The following PLXNA4 variants were observed in gnomAD, a reference collection of about 807,000 sequenced individuals.
PLXNA4 encodes plexin-A4.
A neutral mutation model predicts 191.8 loss-of-function variants in PLXNA4; 44 were observed. That is an observed-to-expected ratio of 0.23 (90% CI 0.18 to 0.29). The LOEUF (loss-of-function observed/expected upper bound fraction) is 0.29, where lower values mean the gene tolerates loss of function less well. PLXNA4 is among the 10% of genes least tolerant of loss of function. PLXNA4 has a pLI of 1.00. For missense variants in PLXNA4, 1,800 were observed against 2,488.8 expected (o/e 0.72, Z 5.89); for synonymous variants, 1,082 against 1,009.5 (o/e 1.07, Z -1.36).
intron 24 of PLXNA4, among the ~76,000 whole-genome samples, chr7:132,160,443 G>C (rs1468099097): frequency 6.6e-6 from 1 of 152,032 alleles, no homozygotes; most frequent in East Asian, 1.9e-4. Flanking sequence ...AAAAGTTCTG[G>C]GCTTTTCCTT....
rs1374794699 is a variant in PLXNA4, at chr7:132,129,057, G to T, written c.*1422C>A. 1 of 152,268 alleles carries T rather than the reference G, an allele frequency of 6.6e-6. No individual in the cohort carries two copies. The highest frequency in any genetic ancestry group is 1.5e-5 in the Non-Finnish European group (1 of 68,070). The allele number at this position is 152,268 out of a possible 1,614,324, so 9.4% of individuals were successfully genotyped here. A position where few individuals can be genotyped will look rare whatever the true frequency, so the allele number is the denominator to read the frequency against. On this transcript the variant is annotated 3_prime_UTR_variant, in exon 32 of 32. Coordinates refer to ENST00000321063, the MANE Select transcript of PLXNA4 (RefSeq NM_020911.2). ...TGGCTAAAATCGTGCATCTGTAGAT[G>T]TAAGAACAGATGGGGAGATGGATGC...
At chr7:132,237,914 A>G (rs1297307488) in intron 5 of PLXNA4, among the ~76,000 whole-genome samples, 1 of 152,186 alleles carries the variant, frequency 6.6e-6, no homozygotes, top group Non-Finnish European at 1.5e-5. Flanking sequence ...TCTGGCACGC[A>G]CACTCCCAGC....
At chr7:132,131,774 G>A (rs527391484) in intron 31 of PLXNA4, among the ~76,000 whole-genome samples, 7 of 152,338 alleles carry the variant, frequency 4.6e-5, no homozygotes, top group African/African-American at 1.2e-4. Context: ...TTGCATTGCC[G>A]CAGGCAGGGG....
intron 13 of PLXNA4, among the ~76,000 whole-genome samples, chr7:132,195,963 G>A (rs1253229316): frequency 6.6e-6 from 1 of 152,088 alleles, no homozygotes. Context: ...TTTTGAGTAA[G>A]GTTCCTGAAC....
At chr7:132,463,197 T>C (rs576655372) in intron 3 of PLXNA4, among the ~76,000 whole-genome samples, 4 of 152,066 alleles carry the variant, frequency 2.6e-5, no homozygotes, top group Non-Finnish European at 4.4e-5. Flanking sequence ...ATAAAAATTG[T>C]AGGGTACCAT....
chr7:132,235,550 G>A (rs533153550), intron 5 of PLXNA4, among the ~76,000 whole-genome samples: 4 of 152,362 alleles, frequency 2.6e-5, no homozygotes, highest in African/African-American at 9.6e-5. Flanking sequence ...GGAAGAGGCA[G>A]GGTCGTGAGG....
chr7:132,557,928 GGAGAGAGAGA>G (rs56966838), intron 1 of PLXNA4, among the ~76,000 whole-genome samples: 4 of 149,476 alleles, frequency 2.7e-5, no homozygotes, highest in Non-Finnish European at 6.0e-5. Flanking sequence ...TTTAAGGTAG[GGAGAGAGAGA>G]GAGAGAGAGA....
At chr7:132,329,925 G>A (rs1363095333) in intron 3 of PLXNA4, among the ~76,000 whole-genome samples, 2 of 152,296 alleles carry the variant, frequency 1.3e-5, no homozygotes, top group East Asian at 3.9e-4. Context: ...TATTTTTTGA[G>A]CTTAGAGAAG....
rs114418985 is a variant in PLXNA4, at chr7:132,458,089, G to A, written c.1371+31203C>T. Among the ~76,000 whole-genome samples the A allele has an allele frequency of 1.5e-3, 228 of 152,246 alleles. 1 individual carries two copies. The highest frequency in any genetic ancestry group is 5.2e-3 in the African/African-American group (217 of 41,542). ...GTGTCATTTAGAATAGTGGGCACTC[G>A]AGACATACTCATTGGGCGAATATAC... On this transcript the variant is annotated intron_variant, in intron 3 of 31. Transcript: ENST00000321063.
rs570453973 is a variant in PLXNA4 at position 132,281,277 on chromosome 7, T to G, written c.1503+16814A>C. Among the ~76,000 whole-genome samples the G allele has an allele frequency of 9.8e-3, 1,493 of 152,332 alleles. 21 individuals are homozygous for G. The highest frequency in any genetic ancestry group is 0.034 in the African/African-American group (1,421 of 41,592). On this transcript the variant is annotated intron_variant, in intron 4 of 31. Coordinates refer to ENST00000321063, the MANE Select transcript of PLXNA4 (RefSeq NM_020911.2). Reference sequence around the variant, plus strand: ...CGCAGAGATGCAAAAAAGTGCATTGTTGGCTGTGCTGAATAAATCAAGATT... The same window carrying G: ...CGCAGAGATGCAAAAAAGTGCATTGGTGGCTGTGCTGAATAAATCAAGATT...
chr7:132,368,630 G>T (rs1278603056), intron 3 of PLXNA4, among the ~76,000 whole-genome samples: 2 of 152,202 alleles, frequency 1.3e-5, no homozygotes, highest in Non-Finnish European at 2.9e-5. Flanking sequence ...GGACACACAG[G>T]TGTGGCGCGT....
chr7:132,405,029 C>T (rs940733533), intron 3 of PLXNA4, among the ~76,000 whole-genome samples: 3 of 151,396 alleles, frequency 2.0e-5, no homozygotes, highest in Non-Finnish European at 4.4e-5. Context: ...ATTGTTTCAG[C>T]AAAATAATAA....
intron 1 of PLXNA4, among the ~76,000 whole-genome samples, chr7:132,559,635 C>A (rs536492030): frequency 3.3e-5 from 5 of 152,234 alleles, no homozygotes; most frequent in Non-Finnish European, 7.3e-5. Context: ...ATATCTCTCT[C>A]TCTAGCACTC....
intron 10 of PLXNA4, 58 bp downstream of exon 10, chr7:132,210,885 C>T: frequency 8.3e-6 from 13 of 1,565,584 alleles, no homozygotes; most frequent in Non-Finnish European, 1.1e-5. Context: ...TAGAAGACAA[C>T]AGTGATGTGG....
chr7:132,319,237 A>G (rs1376837054), intron 3 of PLXNA4, among the ~76,000 whole-genome samples: 3 of 152,178 alleles, frequency 2.0e-5, no homozygotes, highest in South Asian at 2.1e-4. Context: ...GCTTGTGAAA[A>G]TGCAGCTTCC....
In PLXNA4 at chr7:132,489,358, G is replaced by A; in HGVS notation, c.1305C>T (p.Val435=). The A allele has an allele frequency of 6.2e-7, 1 of 1,606,370 alleles. No individual in the cohort carries two copies. The highest frequency in any genetic ancestry group is 8.5e-7 in the Non-Finnish European group (1 of 1,173,456). The change falls in exon 3 of 32, where the codon GTC becomes GTT. Residue 435 remains valine (V), a synonymous_variant. Coordinates refer to ENST00000321063, the MANE Select transcript of PLXNA4 (RefSeq NM_020911.2). ...AGTGGTTCTTGTAGACATATGCGAT[G>A]ACAGACGTCATGCGGTCCCTGTCCT... ...FTEDRDRMTS[V]IAYVYKNHSL...
chr7:132,282,032 C>A (rs142758403), intron 4 of PLXNA4, among the ~76,000 whole-genome samples: 5 of 152,138 alleles, frequency 3.3e-5, no homozygotes, highest in African/African-American at 1.2e-4. Flanking sequence ...TGTTGGGTTC[C>A]CAGCATCTCT....
At chr7:132,562,470 TTCTC>T in intron 1 of PLXNA4, among the ~76,000 whole-genome samples, 1 of 88,128 alleles carries the variant, frequency 1.1e-5, no homozygotes, top group Non-Finnish European at 2.3e-5. Flanking sequence ...TCCTCCTCCT[TTCTC>T]CTCCTCCTTC....
chr7:132,518,030 G>A (rs1205499704), intron 1 of PLXNA4, among the ~76,000 whole-genome samples: 6 of 152,098 alleles, frequency 3.9e-5, no homozygotes, highest in African/African-American at 1.2e-4. Context: ...TTCTAGAAGT[G>A]GGAGCCATGA....
Sources: gnomAD v4.1 joint callset for allele counts (sites outside exome capture counted in the v4.1 genomes callset) on GRCh38, gnomAD v4.1.1 for gene constraint, MANE v1.5 for transcripts, NCBI Gene and HGNC (gene_info 2026-07-23, HGNC 2026-07-21) for gene names.